Variants in MYO18B observed in about 807,000 individuals in gnomAD.
The protein encoded by MYO18B is unconventional myosin-XVIIIb.
Under a neutral mutation model 273.0 loss-of-function variants are expected in MYO18B, and 204 were observed. The ratio of observed to expected loss-of-function variants is 0.75; its 90% CI spans 0.67 to 0.84. The LOEUF is 0.84. Ranked by LOEUF, MYO18B falls within the 40% of genes least tolerant of loss-of-function variation. MYO18B has a pLI of 0.00. For synonymous variants in MYO18B, 1,330 were observed against 1,305.7 expected, an observed-to-expected ratio of 1.02 and a Z score of -0.40; for missense variants, 3,212 against 3,287.6, an observed-to-expected ratio of 0.98 and a Z score of 0.56.
At chr22:25,996,206 A>G (rs4822679) in intron 40 of MYO18B, among the ~76,000 whole-genome samples, 10,865 of 152,302 alleles carry the variant, frequency 0.071, 995 homozygotes, top group African/African-American at 0.21. Flanking sequence ...TGGGTTAATA[A>G]TAAGAAGCAA....
intron 39 of MYO18B, among the ~76,000 whole-genome samples, chr22:25,979,965 C>T (rs531718297): frequency 3.2e-4 from 49 of 152,198 alleles, no homozygotes; most frequent in South Asian, 6.2e-4. Flanking sequence ...CAGTCCCTGG[C>T]GCTATGATTA....
the MYO18B span, among the ~76,000 whole-genome samples, chr22:26,048,650 A>T: frequency 2.3e-4 from 35 of 152,190 alleles, no homozygotes. Flanking sequence ...GACTATAAGC[A>T]CATAATTGAT....
the MYO18B span, among the ~76,000 whole-genome samples, chr22:26,057,912 A>G: frequency 2.0e-5 from 3 of 152,312 alleles, no homozygotes; most frequent in East Asian, 5.8e-4. Context: ...AGTAGCAAGC[A>G]TGTCATCACC....
chr22:25,856,415 A>G (rs1396102321), intron 21 of MYO18B, among the ~76,000 whole-genome samples: 1 of 152,220 alleles, frequency 6.6e-6, no homozygotes, highest in Non-Finnish European at 1.5e-5. Flanking sequence ...TTAAATAATT[A>G]TCATTAATTT....
At chr22:25,795,193 C>T (rs5761202) in intron 11 of MYO18B, among the ~76,000 whole-genome samples, 107,386 of 152,136 alleles carry the variant, frequency 0.71, 38,068 homozygotes, top group East Asian at 0.86. Context: ...TGTCAGTTGA[C>T]TTATTCTGTT....
chr22:25,758,433 A>G (rs1301394233), intron 1 of MYO18B, among the ~76,000 whole-genome samples: 1 of 151,810 alleles, frequency 6.6e-6, no homozygotes, highest in Non-Finnish European at 1.5e-5. Flanking sequence ...AAGTGGAAAC[A>G]GTCTAGCTGC....
At chr22:25,951,098 G>C (rs1446244252) in intron 37 of MYO18B, among the ~76,000 whole-genome samples, 1 of 152,198 alleles carries the variant, frequency 6.6e-6, no homozygotes, top group Non-Finnish European at 1.5e-5. Flanking sequence ...TCTGGAAGCT[G>C]ATTAGATGGT....
intron 6 of MYO18B, 28 bp from the exon 7 acceptor site, chr22:25,772,306 G>GGGGGCC: frequency 6.2e-7 from 1 of 1,604,306 alleles, no homozygotes; most frequent in Admixed American, 1.7e-5. Context: ...CAGAAGGCCA[G>GGGGGCC]AGGAGACTCT....
At chr22:25,831,951 AAATT>A (rs1281661730) in intron 15 of MYO18B, among the ~76,000 whole-genome samples, 5 of 152,320 alleles carry the variant, frequency 3.3e-5, no homozygotes, top group Admixed American at 3.3e-4. Context: ...GCAACTGGAA[AAATT>A]AATTAAACAG....
chr22:25,771,653 C>T lies in MYO18B; in HGVS notation c.1692+669C>T, dbSNP rs537792141. On this transcript the variant is annotated intron_variant, in intron 6 of 43. Coordinates refer to ENST00000335473, the MANE Select transcript of MYO18B (RefSeq NM_032608.7). The stretch of plus-strand genomic sequence containing the variant: ...TGCCCACCTCAGGCTTTCTCTCCCG[C>T]GTTGGGCATTTACAGAGGCTCAGTG... Among the ~76,000 whole-genome samples, 6 of 152,232 alleles carry T rather than the reference C, an allele frequency of 3.9e-5. No homozygotes were observed. In the East Asian group the frequency reaches 7.7e-4, roughly 20 times the overall value.
chr22:25,993,213 A>C (rs1932897421), intron 40 of MYO18B, among the ~76,000 whole-genome samples: 2 of 152,088 alleles, frequency 1.3e-5, no homozygotes, highest in Non-Finnish European at 2.9e-5. Flanking sequence ...AGCTGGGCAC[A>C]TGGGTCCAGG....
chr22:25,765,068 C>T (rs916368897), intron 3 of MYO18B, among the ~76,000 whole-genome samples: 4 of 152,024 alleles, frequency 2.6e-5, no homozygotes, highest in South Asian at 4.2e-4. Flanking sequence ...ACACCAGCAG[C>T]GCTGGTGTCA....
Position 25,775,005 on chromosome 22 carries a change from A to G in MYO18B, c.1869+2495A>G, listed in dbSNP as rs538391451. On this transcript the variant is annotated intron_variant, in intron 7 of 43. Transcript: ENST00000335473. Reference sequence around the variant, plus strand: ...TACACAGATGCAAAGGCATGTGTGCATGCATGCATATAGGAGGGCCTTCAG... The same window carrying G: ...TACACAGATGCAAAGGCATGTGTGCGTGCATGCATATAGGAGGGCCTTCAG... 3.3e-5 allele frequency among the ~76,000 whole-genome samples: 5 copies of G among 152,374 alleles called. No individual in the cohort carries two copies. The East Asian group carries it at 9.6e-4, about 29-fold the overall frequency.
intron 43 of MYO18B, among the ~76,000 whole-genome samples, chr22:26,030,187 A>G (rs188606199): frequency 6.6e-6 from 1 of 152,274 alleles, no homozygotes; most frequent in East Asian, 1.9e-4. Flanking sequence ...CCTGGGCAAC[A>G]TAGTGAGTCC....
In MYO18B at chr22:25,847,667, G is replaced by A. The variant is rs765209201; in HGVS notation, c.3775+15G>A. 3 of 1,539,894 alleles carry A rather than the reference G, an allele frequency of 1.9e-6. No homozygotes were observed. Among genetic ancestry groups the A allele is most frequent in the South Asian group, 1.2e-5 (1 of 83,790 alleles). On this transcript the variant is annotated intron_variant, in intron 20 of 43. Coordinates refer to ENST00000335473, the MANE Select transcript of MYO18B (RefSeq NM_032608.7). Reference sequence around the variant, plus strand: ...GCATAGGACAGGTAAGAGACAGCTAGGACACAGCACCTTGTCTCTGACTCC... The same window carrying A: ...GCATAGGACAGGTAAGAGACAGCTAAGACACAGCACCTTGTCTCTGACTCC...
chr22:25,914,435 G>T (rs2092222606), intron 33 of MYO18B, among the ~76,000 whole-genome samples: 1 of 151,662 alleles, frequency 6.6e-6, no homozygotes, highest in Non-Finnish European at 1.5e-5. Flanking sequence ...ACAGATCTTG[G>T]ACTTTTTTGT....
At chr22:25,867,143 A>G (rs1569129016) in intron 21 of MYO18B, among the ~76,000 whole-genome samples, 2 of 152,206 alleles carry the variant, frequency 1.3e-5, no homozygotes, top group Admixed American at 6.5e-5. Context: ...ATATAACATA[A>G]AAGTTAATCT....
intron 18 of MYO18B, among the ~76,000 whole-genome samples, chr22:25,844,988 G>T (rs1326878511): frequency 6.6e-6 from 1 of 152,184 alleles, no homozygotes; most frequent in African/African-American, 2.4e-5. Flanking sequence ...AGCGGCTGTA[G>T]CCCAGCTTTG....
chr22:25,982,665 A>G (rs2093161366), intron 39 of MYO18B, among the ~76,000 whole-genome samples: 1 of 151,510 alleles, frequency 6.6e-6, no homozygotes, highest in Admixed American at 6.6e-5. Flanking sequence ...CCACATCCAC[A>G]TTGCTGCTTT....
Sources: gnomAD v4.1 joint callset for allele counts (sites outside exome capture counted in the v4.1 genomes callset) on GRCh38, gnomAD v4.1.1 for gene constraint, MANE v1.5 for transcripts, NCBI Gene and HGNC (gene_info 2026-07-23, HGNC 2026-07-21) for gene names.